PSG6: variants seen among roughly 807,000 people sequenced by gnomAD.
PSG6 encodes pregnancy specific beta-1-glycoprotein 6.
A neutral mutation model predicts 43.3 loss-of-function variants in PSG6; 51 were observed. The ratio of observed to expected loss-of-function variants is 1.18; its 90% CI spans 0.94 to 1.49. The LOEUF (loss-of-function observed/expected upper bound fraction) is 1.49, where lower values mean the gene tolerates loss of function less well. Among genes scored for constraint, PSG6 ranks in the 40% most tolerant of loss-of-function variants. PSG6 has a pLI of 0.00. For synonymous variants in PSG6, 292 were observed against 197.6 expected, an observed-to-expected ratio of 1.48 and a Z score of -4.01; for missense variants, 770 against 522.2, an observed-to-expected ratio of 1.47 and a Z score of -4.62.
intron 1 of PSG6, 128 bp from the exon 2 acceptor site, chr19:42,916,615 C>CAT: frequency 7.8e-7 from 1 of 1,276,646 alleles, no homozygotes; most frequent in Non-Finnish European, 1.1e-6. Context: ...CACATACAAA[C>CAT]ACACACACAC....
intron 5 of PSG6, chr19:42,906,492 T>C: frequency 8.1e-7 from 1 of 1,228,076 alleles, no homozygotes. Flanking sequence ...AAGGGCTTCC[T>C]CCTCTCATTT....
chr19:42,915,519 C>T (rs1388029274), intron 2 of PSG6: 1 of 155,486 alleles, frequency 6.4e-6, no homozygotes, highest in South Asian at 2.0e-4. Context: ...TCTTTCTGTC[C>T]TCTCCACTCT....
chr19:42,916,584 C>T, intron 1 of PSG6, 97 bp from the exon 2 acceptor site: 3 of 1,464,270 alleles, frequency 2.0e-6, no homozygotes, highest in African/African-American at 1.4e-5. Context: ...CAATCATCAG[C>T]CTTGAAGATA....
chr19:42,914,168 G>A (rs1019975137), intron 2 of PSG6, among the ~76,000 whole-genome samples: 2 of 151,514 alleles, frequency 1.3e-5, no homozygotes, highest in Non-Finnish European at 1.5e-5. Context: ...AAAGAGCCCT[G>A]GATGGGAATA....
At chr19:42,906,819 A>G in intron 5 of PSG6, 103 bp downstream of exon 5, 3 of 1,606,352 alleles carry the variant, frequency 1.9e-6, no homozygotes, top group African/African-American at 1.3e-5. Flanking sequence ...GCTTGTGCCC[A>G]TGGGACACAG....
Position 42,917,786 on chromosome 19 carries a change from G to T in PSG6, c.7C>A (p.Pro3Thr), listed in dbSNP as rs1486709671. 1.9e-6 allele frequency: 3 copies of T among 1,609,698 alleles called. No individual in the cohort carries two copies. The highest frequency in any genetic ancestry group is 2.5e-6 in the Non-Finnish European group (3 of 1,177,678). Residue 3 changes from proline to threonine, a missense_variant, in exon 1 of 6, where the codon CCC (proline) becomes ACC (threonine). By Grantham distance (38) the Pro-to-Thr change is conservative. Transcript: ENST00000187910. MG[P>T]LSAPPCTQHI... is the part of the protein sequence containing the mutation. ...TGAGTGCAGGGAGGGGCTGAGAGGG[G>T]TCCCATGGTCTCTGCTGTCTGTGTG...
rs1043764030 is a variant in PSG6, at chr19:42,917,626, G to C, written c.64+103C>G. The C allele has an allele frequency of 2.1e-5, 32 of 1,520,608 alleles. 2 individuals are homozygous for C. The highest frequency in any genetic ancestry group is 1.8e-4 in the Middle Eastern group (1 of 5,452). 94.2% of individuals were successfully genotyped at this position (1,520,608 alleles called of 1,614,324 possible). On this transcript the variant is annotated intron_variant, in intron 1 of 5. Transcript: ENST00000187910. ...GATCCACCCACCTCAGCCTCCCTAA[G>C]TGCTGGCTTCTTTTATTTTTTAGAA...
In PSG6 at chr19:42,916,249, A is replaced by G. The variant is rs1847028446; in HGVS notation, c.303T>C (p.Tyr101=). The G allele has an allele frequency of 1.9e-6, 3 of 1,612,214 alleles. No homozygotes were observed. The highest frequency in any genetic ancestry group is 2.5e-6 in the Non-Finnish European group (3 of 1,179,114). The part of the protein sequence containing the change: ...GPAYSGRETV[Y]SNASLLIQNV... ...TCTGGATCAGCAGGGATGCATTGGA[A>G]TATACTGTTTCTCGTCCACTGTAGG... The change falls in exon 2 of 6, where the codon TAT becomes TAC. Residue 101 remains tyrosine, a synonymous_variant. Coordinates refer to ENST00000187910, the MANE Select transcript of PSG6 (RefSeq NM_001031850.4).
At chr19:42,916,725 C>A (rs1003041625) in intron 1 of PSG6, among the ~76,000 whole-genome samples, 4 of 151,010 alleles carry the variant, frequency 2.6e-5, no homozygotes, top group Non-Finnish European at 4.4e-5. Context: ...ACACTCCTGA[C>A]CTTGGCATTT....
In PSG6 at chr19:42,916,057, A is replaced by G. The variant is rs1220429889; in HGVS notation, c.427+68T>C. The G allele has an allele frequency of 3.8e-5, 61 of 1,599,320 alleles. 3 individuals carry two copies. Among genetic ancestry groups the G allele is most frequent in the Middle Eastern group, 1.7e-4 (1 of 6,036 alleles). On this transcript the variant is annotated intron_variant, in intron 2 of 5. Coordinates refer to ENST00000187910, the MANE Select transcript of PSG6 (RefSeq NM_001031850.4). ...ACACAGGCAGAGTCCAGGCCTGACA[A>G]TTCTGTGTGTGTGAAGTAGAAATGA...
Position 42,907,041 on chromosome 19 carries a change from G to C in PSG6, c.1121C>G (p.Ser374Ter). 1.9e-6 allele frequency: 3 copies of C among 1,612,644 alleles called. No homozygotes were observed. In the Admixed American group the frequency reaches 5.0e-5, roughly 27 times the overall value. ...SWTINGKFQL[S>*]GQKLFIPQIT... is the part of the protein sequence containing the mutation. ...TTGGGGGATAAAGAGCTTTTGTCCT[G>C]ATAGCTGAAACTTCCCATTAATTGT... Residue 374 changes from serine to a stop codon, truncating the protein, a stop_gained, in exon 5 of 6, where the codon TCA (serine) becomes TGA (stop). Transcript: ENST00000187910. LOFTEE classifies it high-confidence loss of function.
Position 42,916,186 on chromosome 19 carries a change from G to T in PSG6, c.366C>A (p.His122Gln). Reference protein sequence around the residue: ...TQEDAGSYTLHIIKRGDGTGG... With the variant: ...TQEDAGSYTLQIIKRGDGTGG... Reference sequence around the variant, plus strand: ...CAGTCCCATCGCCTCGCTTTATGATGTGTAAGGTGTAGGATCCTGCATCCT... The same window carrying T: ...CAGTCCCATCGCCTCGCTTTATGATTTGTAAGGTGTAGGATCCTGCATCCT... The change falls in exon 2 of 6, where the codon CAC becomes CAA. Residue 122 changes from histidine (H) to glutamine (Q), a missense_variant. Transcript: ENST00000187910. 1.2e-6 allele frequency: 2 copies of T among 1,612,188 alleles called. No homozygotes were observed. The highest frequency in any genetic ancestry group is 1.7e-6 in the Non-Finnish European group (2 of 1,179,054).
chr19:42,911,134 C>T lies in PSG6; in HGVS notation c.428-276G>A, dbSNP rs187859288. 8.8e-4 allele frequency among the ~76,000 whole-genome samples: 133 copies of T among 151,654 alleles called. 6 individuals carry two copies. The East Asian group carries it at 0.017, about 20-fold the overall frequency. On this transcript the variant is annotated intron_variant, in intron 2 of 5. Coordinates refer to ENST00000187910, the MANE Select transcript of PSG6 (RefSeq NM_001031850.4). ...AGACACAGGACCAGCAGTCACAGCCCCTGGTGCCTCTCTGAGTCCCTCCGT... is the reference window on the plus strand; with the variant it reads ...AGACACAGGACCAGCAGTCACAGCCTCTGGTGCCTCTCTGAGTCCCTCCGT...
chr19:42,908,701 T>G (rs1433730783), intron 3 of PSG6, among the ~76,000 whole-genome samples: 1 of 151,764 alleles, frequency 6.6e-6, no homozygotes, highest in East Asian at 1.9e-4. Context: ...AGGGTGGGAA[T>G]GAACTGCTGG....
chr19:42,907,200 C>T lies in PSG6; in HGVS notation c.986-24G>A, dbSNP rs200605854. The T allele has an allele frequency of 2.7e-4, 440 of 1,603,742 alleles. 13 individuals carry two copies. The highest frequency in any genetic ancestry group is 1.7e-3 in the African/African-American group (127 of 74,582). ...ATCTGGAGGAAAGAGAATAAAGCCACAGGTGATGTCATCCAAGGGAAGGGG... is the reference window on the plus strand; with the variant it reads ...ATCTGGAGGAAAGAGAATAAAGCCATAGGTGATGTCATCCAAGGGAAGGGG... On this transcript the variant is annotated intron_variant, in intron 4 of 5. Coordinates refer to ENST00000187910, the MANE Select transcript of PSG6 (RefSeq NM_001031850.4).
intron 2 of PSG6, among the ~76,000 whole-genome samples, chr19:42,914,313 G>C (rs1446461641): frequency 1.3e-5 from 2 of 151,396 alleles, no homozygotes; most frequent in Non-Finnish European, 2.9e-5. Context: ...AGCGGGAAGG[G>C]AACAGAACAG....
chr19:42,915,943 A>G (rs1231086462), intron 2 of PSG6, 182 bp downstream of exon 2: 4 of 988,954 alleles, frequency 4.0e-6, no homozygotes, highest in South Asian at 1.9e-5. Context: ...GATGCGGGAA[A>G]GGAATTCTGA....
chr19:42,917,112 G>A (rs1379452555), intron 1 of PSG6, among the ~76,000 whole-genome samples: 1 of 151,266 alleles, frequency 6.6e-6, no homozygotes, highest in Non-Finnish European at 1.5e-5. Flanking sequence ...TTTTGCTGAG[G>A]AAAGTGTTTC....
intron 2 of PSG6, among the ~76,000 whole-genome samples, chr19:42,911,423 A>G (rs1441503806): frequency 1.3e-5 from 2 of 151,352 alleles, no homozygotes; most frequent in Non-Finnish European, 2.9e-5. Context: ...TTCAGTCATC[A>G]GGCAGTGGAG....
Sources: allele counts gnomAD v4.1 joint callset (sites outside exome capture counted in the v4.1 genomes callset), GRCh38; gene constraint gnomAD v4.1.1; transcripts MANE v1.5; gene names NCBI Gene and HGNC (gene_info 2026-07-23, HGNC 2026-07-21).